Variants in TMEM132C observed in about 807,000 individuals in gnomAD.
TMEM132C encodes protein phosphatase 1, regulatory subunit 152.
Under a neutral mutation model 61.4 loss-of-function variants are expected in TMEM132C, and 29 were observed. The ratio of observed to expected loss-of-function variants is 0.47; its 90% confidence interval spans 0.35 to 0.64. TMEM132C has a LOEUF of 0.64. Among genes scored for constraint, TMEM132C ranks in the 30% least tolerant of loss-of-function variants. TMEM132C has a pLI of 0.00. For synonymous variants in TMEM132C, 656 were observed against 633.1 expected (o/e 1.04, Z -0.54); for missense variants, 1,408 against 1,476.9 (o/e 0.95, Z 0.76).
chr12:128,335,095 T>C (rs1009915390), intron 1 of TMEM132C, among the ~76,000 whole-genome samples: 5 of 152,222 alleles, frequency 3.3e-5, no homozygotes, highest in Admixed American at 6.5e-5. Context: ...CGTTTTAAAA[T>C]TTAGATTTGC....
chr12:128,304,902 G>A (rs1871717806), intron 1 of TMEM132C, among the ~76,000 whole-genome samples: 1 of 152,176 alleles, frequency 6.6e-6, no homozygotes, highest in Non-Finnish European at 1.5e-5. Context: ...ATGCCATGGG[G>A]AGTTGGAAGG....
chr12:128,383,102 A>C (rs901089284), intron 1 of TMEM132C, among the ~76,000 whole-genome samples: 1 of 147,214 alleles, frequency 6.8e-6, no homozygotes, highest in Non-Finnish European at 1.5e-5. Context: ...CTGTGTGTAC[A>C]TGTGTATACA....
chr12:128,684,235 A>T (rs1003467566), intron 5 of TMEM132C, among the ~76,000 whole-genome samples: 1 of 151,724 alleles, frequency 6.6e-6, no homozygotes, highest in African/African-American at 2.4e-5. Flanking sequence ...CTGTATCTCC[A>T]TGCCTAGAAA....
chr12:128,352,229 G>A (rs1873358939), intron 1 of TMEM132C, among the ~76,000 whole-genome samples: 1 of 152,152 alleles, frequency 6.6e-6, no homozygotes, highest in African/African-American at 2.4e-5. Context: ...GGCTGGGGAG[G>A]CCTCAGGCAA....
chr12:128,651,593 G>A (rs1218359005), intron 4 of TMEM132C, among the ~76,000 whole-genome samples: 2 of 152,314 alleles, frequency 1.3e-5, no homozygotes, highest in East Asian at 1.9e-4. Context: ...CAGCGACTGA[G>A]AGACACAACA....
At chr12:128,527,476 C>T (rs1386228023) in intron 2 of TMEM132C, among the ~76,000 whole-genome samples, 1 of 152,184 alleles carries the variant, frequency 6.6e-6, no homozygotes, top group East Asian at 1.9e-4. Flanking sequence ...CAAAGCTCCT[C>T]CGTGCCTGGC....
At chr12:128,550,253 C>T (rs1252079862) in intron 3 of TMEM132C, among the ~76,000 whole-genome samples, 1 of 151,880 alleles carries the variant, frequency 6.6e-6, no homozygotes, top group African/African-American at 2.4e-5. Context: ...ATCTTGTGTC[C>T]TCAGAGGGCC....
chr12:128,701,541 T>G (rs1362397688), intron 8 of TMEM132C, among the ~76,000 whole-genome samples: 1 of 152,188 alleles, frequency 6.6e-6, no homozygotes, highest in African/African-American at 2.4e-5. Context: ...ATTGCTAGCA[T>G]TCTTCCTTGG....
chr12:128,677,555 T>C (rs1173215864), intron 5 of TMEM132C, among the ~76,000 whole-genome samples: 1 of 152,110 alleles, frequency 6.6e-6, no homozygotes, highest in Non-Finnish European at 1.5e-5. Context: ...TATTAATGCC[T>C]GTACCTGGCT....
At chr12:128,462,321 G>C (rs1024932626) in intron 2 of TMEM132C, among the ~76,000 whole-genome samples, 4 of 152,078 alleles carry the variant, frequency 2.6e-5, no homozygotes, top group Admixed American at 6.5e-5. Flanking sequence ...TGGTCAAGCT[G>C]GTCTCAAACT....
At chr12:128,513,392 C>T (rs1872625822) in intron 2 of TMEM132C, among the ~76,000 whole-genome samples, 1 of 152,180 alleles carries the variant, frequency 6.6e-6, no homozygotes, top group Admixed American at 6.5e-5. Context: ...GAGATATAAT[C>T]TCATTACGTA....
chr12:128,295,559 TC>T (rs143481662), intron 1 of TMEM132C, among the ~76,000 whole-genome samples: 58,540 of 149,264 alleles, frequency 0.39, 12,037 homozygotes, highest in Non-Finnish European at 0.45. Context: ...TTCCACCCCC[TC>T]CCCTGGGTAT....
chr12:128,601,540 C>T (rs1432313510), intron 3 of TMEM132C, among the ~76,000 whole-genome samples: 2 of 152,142 alleles, frequency 1.3e-5, no homozygotes, highest in East Asian at 1.9e-4. Context: ...ATAAAGTGGC[C>T]AAGTGAGTCC....
intron 3 of TMEM132C, among the ~76,000 whole-genome samples, chr12:128,597,174 T>A (rs1028437343): frequency 6.6e-6 from 1 of 152,260 alleles, no homozygotes; most frequent in African/African-American, 2.4e-5. Flanking sequence ...ATAGCCATGC[T>A]GTCCCCAAAG....
chr12:128,699,080 A>T (rs968290471), intron 8 of TMEM132C, among the ~76,000 whole-genome samples: 1 of 152,092 alleles, frequency 6.6e-6, no homozygotes, highest in Admixed American at 6.5e-5. Context: ...AGGACTGCAA[A>T]CTCAAATGCC....
At chr12:128,313,107 T>C (rs1593007223) in intron 1 of TMEM132C, among the ~76,000 whole-genome samples, 2 of 152,032 alleles carry the variant, frequency 1.3e-5, no homozygotes, top group African/African-American at 2.4e-5. Context: ...TGCAAGGGGG[T>C]GTCTTCTCAT....
chr12:128,693,244 G>T (rs1422323577), intron 5 of TMEM132C, among the ~76,000 whole-genome samples: 1 of 152,172 alleles, frequency 6.6e-6, no homozygotes, highest in Non-Finnish European at 1.5e-5. Context: ...CGGGCCCTTT[G>T]CATCCTTGGA....
chr12:128,562,280 C>T (rs1398670680), intron 3 of TMEM132C, among the ~76,000 whole-genome samples: 3 of 152,202 alleles, frequency 2.0e-5, no homozygotes, highest in Non-Finnish European at 4.4e-5. Flanking sequence ...CGAAAAGAGA[C>T]AGTCTCTTAA....
chr12:128,480,273 C>T (rs1361830003), intron 2 of TMEM132C, among the ~76,000 whole-genome samples: 1 of 152,206 alleles, frequency 6.6e-6, no homozygotes, highest in African/African-American at 2.4e-5. Context: ...TTTGACCTTT[C>T]TCCTTGAATT....
Sources: allele counts gnomAD v4.1 joint callset (sites outside exome capture counted in the v4.1 genomes callset), GRCh38; gene constraint gnomAD v4.1.1; transcripts MANE v1.5; gene names NCBI Gene and HGNC (gene_info 2026-07-23, HGNC 2026-07-21).